JUP: variants seen among roughly 807,000 people sequenced by gnomAD.
The protein encoded by JUP is catenin (cadherin-associated protein), gamma 80kDa.
Under a neutral mutation model 71.1 loss-of-function variants are expected in JUP, and 28 were observed. That is an observed-to-expected ratio of 0.39 (90% confidence interval 0.29 to 0.54). The LOEUF (loss-of-function observed/expected upper bound fraction) is 0.54, where lower values mean the gene tolerates loss of function less well. Ranked by LOEUF, JUP falls within the 20% of genes least tolerant of loss-of-function variation. The pLI is 0.62. For missense variants in JUP, 869 were observed against 1,030.1 expected, an observed-to-expected ratio of 0.84 and a Z score of 2.14; for synonymous variants, 401 against 438.9, an observed-to-expected ratio of 0.91 and a Z score of 1.08.
chr17:41,768,550 A>G (rs1382453604), intron 4 of JUP, among the ~76,000 whole-genome samples: 2 of 151,608 alleles, frequency 1.3e-5, no homozygotes, highest in Admixed American at 1.3e-4. Context: ...TGACAGAGCA[A>G]GGCCTCATCT....
rs1915244397 is a variant in JUP at position 41,763,640 on chromosome 17, C to G, written c.1159-319G>C. ...CAGCCTTTCCCTGGGGCCCTCAGAC[C>G]CAGGCAGAACCCTCCTCAGGCCAAA... On this transcript the variant is annotated intron_variant, in intron 7 of 13. Coordinates refer to ENST00000393931, the MANE Select transcript of JUP (RefSeq NM_002230.4). 2.6e-5 allele frequency among the ~76,000 whole-genome samples: 4 copies of G among 152,000 alleles called. No individual in the cohort carries two copies. In the South Asian group the frequency reaches 8.3e-4, roughly 32 times the overall value.
intron 10 of JUP, 31 bp downstream of exon 10, chr17:41,758,368 G>C (rs1555599340): frequency 2.5e-6 from 4 of 1,611,790 alleles, no homozygotes; most frequent in Non-Finnish European, 3.4e-6. Flanking sequence ...GTGGTGGGGG[G>C]ACCTCTCCTG....
rs1555597310 is a variant in JUP, at chr17:41,755,735, C to A, written c.*9G>T. 1.3e-6 allele frequency: 2 copies of A among 1,568,328 alleles called. No individual in the cohort carries two copies. Among genetic ancestry groups the A allele is most frequent in the Admixed American group, 1.8e-5 (1 of 56,226 alleles). ...CTGCAAAGAGGGGGCCGTACTGGGG[C>A]CAGGCCGCCTAGGCCAGCATGTGGT... On this transcript the variant is annotated 3_prime_UTR_variant, in exon 14 of 14. Transcript: ENST00000393931.
At position 41,761,599 on chromosome 17, in the gene JUP, G is replaced by T. The variant is rs111951265; in HGVS notation, c.1497+1384C>A. 9.1e-4 allele frequency among the ~76,000 whole-genome samples: 138 copies of T among 152,132 alleles called. 1 individual carries two copies. The highest frequency in any genetic ancestry group is 3.0e-3 in the African/African-American group (125 of 41,510). On this transcript the variant is annotated intron_variant, in intron 8 of 13. Coordinates refer to ENST00000393931, the MANE Select transcript of JUP (RefSeq NM_002230.4). ...GGCCAAAGTGGGTGGATCACCAGAAGTCAGGAGTTCAAGACCAGCCTAACC... is the reference window on the plus strand; with the variant it reads ...GGCCAAAGTGGGTGGATCACCAGAATTCAGGAGTTCAAGACCAGCCTAACC...
chr17:41,776,570 T>C (rs1277595217), intron 1 of JUP, among the ~76,000 whole-genome samples: 1 of 151,748 alleles, frequency 6.6e-6, no homozygotes, highest in Non-Finnish European at 1.5e-5. Flanking sequence ...AAAAAGAAAT[T>C]AGCCGGGCAT....
chr17:41,764,900 G>C (rs369622312), intron 6 of JUP, 23 bp downstream of exon 6: 3 of 1,613,922 alleles, frequency 1.9e-6, no homozygotes, highest in Middle Eastern at 1.6e-4. Context: ...CACCCCAGCC[G>C]CCCTCAAGGC....
chr17:41,757,797 G>A lies in JUP; in HGVS notation c.1774-13C>T, dbSNP rs116772523. 4.0e-3 allele frequency: 6,359 copies of A among 1,600,546 alleles called. 214 individuals carry two copies. The African/African-American group carries it at 0.076, about 19-fold the overall frequency. ...ACGAGTACAGGAGCTGGGGAGAGGG[G>A]ACGTGGGAAGCAGGGGAGAGGTGGA... On this transcript the variant is annotated splice_polypyrimidine_tract_variant and intron_variant, in intron 10 of 13. Coordinates refer to ENST00000393931, the MANE Select transcript of JUP (RefSeq NM_002230.4).
At position 41,765,038 on chromosome 17, in the gene JUP, C is replaced by G. The variant is rs1915487452; in HGVS notation, c.939G>C (p.Gln313His). The G allele has an allele frequency of 1.2e-6, 2 of 1,614,020 alleles. No homozygotes were observed. The highest frequency in any genetic ancestry group is 2.2e-5 in the South Asian group (2 of 91,086). The change falls in exon 6 of 14, where the codon CAG (glutamine) becomes CAC (histidine). Residue 313 changes from glutamine to histidine, a missense_variant. Transcript: ENST00000393931. ...AGTTACGCATGATCTGCACGAGGGC[C>G]TGGGGCCCACCATTGGCCAGGATGA... ...KLIILANGGP[Q>H]ALVQIMRNYS...
intron 8 of JUP, among the ~76,000 whole-genome samples, chr17:41,760,841 G>A (rs545399552): frequency 1.3e-5 from 2 of 152,126 alleles, no homozygotes; most frequent in Non-Finnish European, 2.9e-5. Context: ...GATTACAGGC[G>A]TGAGCCACTG....
chr17:41,777,525 G>A (rs1053906359), intron 1 of JUP, among the ~76,000 whole-genome samples: 4 of 152,248 alleles, frequency 2.6e-5, no homozygotes, highest in African/African-American at 9.6e-5. Flanking sequence ...GCTCCAGGAC[G>A]GAACCTCCTG....
chr17:41,768,519 G>C (rs914739053), intron 4 of JUP, among the ~76,000 whole-genome samples: 5 of 151,478 alleles, frequency 3.3e-5, no homozygotes. Context: ...CTGAGATCAC[G>C]CCACTGCACT....
chr17:41,763,370 G>C, intron 7 of JUP, 49 bp from the exon 8 acceptor site: 1 of 1,426,404 alleles, frequency 7.0e-7, no homozygotes, highest in Admixed American at 1.7e-5. Flanking sequence ...CCAACTCCAG[G>C]GAGCCTTCTC....
intron 1 of JUP, among the ~76,000 whole-genome samples, chr17:41,779,882 G>T (rs1353686786): frequency 6.7e-6 from 1 of 150,268 alleles, no homozygotes; most frequent in Non-Finnish European, 1.5e-5. Context: ...TGCACAGGCT[G>T]GCAGGCTGGT....
chr17:41,783,518 G>A (rs1272181131), intron 1 of JUP, among the ~76,000 whole-genome samples: 1 of 151,838 alleles, frequency 6.6e-6, no homozygotes, highest in Non-Finnish European at 1.5e-5. Flanking sequence ...GGAACTCCTG[G>A]GCTCAATCAA....
At chr17:41,767,633 ATG>A in intron 4 of JUP, 53 bp from the exon 5 acceptor site, 1 of 1,477,812 alleles carries the variant, frequency 6.8e-7, no homozygotes, top group Non-Finnish European at 9.3e-7. Context: ...CCTGGCATAC[ATG>A]TGAGCCTGGC....
At chr17:41,757,216 T>C (rs552256098) in intron 12 of JUP, among the ~76,000 whole-genome samples, 199 bp downstream of exon 12, 9 of 152,322 alleles carry the variant, frequency 5.9e-5, no homozygotes, top group East Asian at 1.9e-4. Context: ...GTATACTCAT[T>C]TGGGCAAAAT....
chr17:41,756,425 T>C (rs1465870128), intron 12 of JUP, among the ~76,000 whole-genome samples: 2 of 151,112 alleles, frequency 1.3e-5, no homozygotes, highest in African/African-American at 4.9e-5. Flanking sequence ...GGTGAAACCC[T>C]GTCTCTACTA....
In JUP at chr17:41,756,152, TGAAGAGCCC is replaced by T; in HGVS notation, c.2086+14_2086+22del. On this transcript the variant is annotated intron_variant, in intron 13 of 13. Transcript: ENST00000393931. ...CAGCCGCCCAGGATCTCCAGGGTCC[TGAAGAGCCC>T]GGCACACACTTACCATCTCCATAGG... 1 of 1,612,222 alleles carries T rather than the reference TGAAGAGCCC, an allele frequency of 6.2e-7. No individual in the cohort carries two copies. Among genetic ancestry groups the T allele is most frequent in the Non-Finnish European group, 8.5e-7 (1 of 1,178,828 alleles).
At chr17:41,764,273 G>A (rs1412143199) in intron 7 of JUP, among the ~76,000 whole-genome samples, 4 of 152,276 alleles carry the variant, frequency 2.6e-5, no homozygotes, top group Admixed American at 6.5e-5. Flanking sequence ...GGTGGCTCAC[G>A]CCTGTAATCC....
Sources: gnomAD v4.1 joint callset for allele counts (sites outside exome capture counted in the v4.1 genomes callset) on GRCh38, gnomAD v4.1.1 for gene constraint, MANE v1.5 for transcripts, NCBI Gene and HGNC (gene_info 2026-07-23, HGNC 2026-07-21) for gene names.